LRRC4C: variants seen among roughly 807,000 people sequenced by gnomAD.
The protein encoded by LRRC4C is leucine-rich repeat-containing protein 4C.
In LRRC4C, 5 loss-of-function variants were observed where a neutral mutation model predicts 33.6. The observed-to-expected ratio is 0.15, with a 90% CI of 0.08 to 0.31. The LOEUF is 0.31. LRRC4C is among the 10% of genes least tolerant of loss of function. The pLI is 1.00. For synonymous variants in LRRC4C, 329 were observed against 302.0 expected (o/e 1.09, Z -0.93); for missense variants, 560 against 796.7 (o/e 0.70, Z 3.58).
chr11:40,760,795 A>T (rs959307275), intron 2 of LRRC4C, among the ~76,000 whole-genome samples: 4 of 132,630 alleles, frequency 3.0e-5, no homozygotes, highest in African/African-American at 1.2e-4. Flanking sequence ...GTGTATATAT[A>T]TATATACACA....
intron 1 of LRRC4C, among the ~76,000 whole-genome samples, chr11:41,444,756 G>C (rs928881108): frequency 1.3e-5 from 2 of 151,880 alleles, no homozygotes; most frequent in Non-Finnish European, 2.9e-5. Context: ...GAAAAGTGGA[G>C]AGAAAATAAG....
chr11:40,627,571 G>A (rs1345722916), intron 3 of LRRC4C, among the ~76,000 whole-genome samples: 1 of 152,128 alleles, frequency 6.6e-6, no homozygotes, highest in African/African-American at 2.4e-5. Context: ...AGCTACATTT[G>A]CCTGGACAGG....
intron 2 of LRRC4C, among the ~76,000 whole-genome samples, chr11:40,846,483 G>T (rs1427929023): frequency 2.0e-5 from 3 of 152,124 alleles, no homozygotes; most frequent in Admixed American, 1.3e-4. Context: ...GGATCAGATG[G>T]TTGTAAATGT....
In LRRC4C at chr11:40,265,633, T is replaced by C. The variant is rs1015201171; in HGVS notation, c.-175-24035A>G. Among the ~76,000 whole-genome samples the C allele has an allele frequency of 2.0e-5, 3 of 152,200 alleles. No individual in the cohort carries two copies. The East Asian group carries it at 5.8e-4, about 29-fold the overall frequency. ...AAAACTTAACTCCTAACAGCACTAA[T>C]GGTGCCATTTGGCACTAATGCATTG... is the stretch of plus-strand genomic sequence containing the variant. On this transcript the variant is annotated intron_variant, in intron 4 of 6. Transcript: ENST00000528697.
At chr11:40,801,519 C>A (rs1323831592) in intron 2 of LRRC4C, among the ~76,000 whole-genome samples, 1 of 152,148 alleles carries the variant, frequency 6.6e-6, no homozygotes, top group Non-Finnish European at 1.5e-5. Context: ...ATGGACTGCA[C>A]CTATTTTGTT....
chr11:40,142,076 A>T (rs1440022639), intron 5 of LRRC4C, among the ~76,000 whole-genome samples: 1 of 152,040 alleles, frequency 6.6e-6, no homozygotes, highest in Admixed American at 6.6e-5. Context: ...TGATGTCAGG[A>T]GTTCAAGACC....
chr11:40,551,638 A>G (rs1387845701), intron 3 of LRRC4C, among the ~76,000 whole-genome samples: 1 of 152,092 alleles, frequency 6.6e-6, no homozygotes, highest in African/African-American at 2.4e-5. Flanking sequence ...CCTTTTCCAT[A>G]TGGCTTCTCA....
intron 2 of LRRC4C, among the ~76,000 whole-genome samples, chr11:40,697,679 T>C (rs1446919405): frequency 6.6e-6 from 1 of 152,142 alleles, no homozygotes; most frequent in Non-Finnish European, 1.5e-5. Context: ...AGAACACAGT[T>C]TTAACAATGA....
chr11:40,550,392 C>G (rs74700676), intron 3 of LRRC4C, among the ~76,000 whole-genome samples: 8,731 of 152,140 alleles, frequency 0.057, 758 homozygotes, highest in African/African-American at 0.18. Context: ...TCTGATGTAA[C>G]TAAAGATCAT....
intron 3 of LRRC4C, among the ~76,000 whole-genome samples, chr11:40,450,721 C>A (rs1951844127): frequency 6.6e-6 from 1 of 151,158 alleles, no homozygotes; most frequent in Non-Finnish European, 1.5e-5. Context: ...TGGAATCACT[C>A]CCTGTGACAT....
chr11:40,943,260 G>C (rs1958239909), intron 1 of LRRC4C, among the ~76,000 whole-genome samples: 1 of 152,120 alleles, frequency 6.6e-6, no homozygotes, highest in Admixed American at 6.6e-5. Flanking sequence ...ATCTCTGCAG[G>C]CAGGTTATTT....
chr11:40,834,637 T>C (rs1398630865), intron 2 of LRRC4C, among the ~76,000 whole-genome samples: 2 of 152,070 alleles, frequency 1.3e-5, no homozygotes, highest in African/African-American at 4.8e-5. Context: ...CATGTAAATG[T>C]CTTTCATCCC....
At chr11:41,370,841 C>T (rs1952720387) in intron 1 of LRRC4C, among the ~76,000 whole-genome samples, 1 of 152,070 alleles carries the variant, frequency 6.6e-6, no homozygotes, top group South Asian at 2.1e-4. Context: ...ACGCTTGGCC[C>T]ACGTTATTTA....
chr11:40,835,391 ATATT>A (rs1229297862), intron 2 of LRRC4C, among the ~76,000 whole-genome samples: 1 of 152,182 alleles, frequency 6.6e-6, no homozygotes, highest in Non-Finnish European at 1.5e-5. Context: ...CTGTACTTAC[ATATT>A]TAGAGACTGA....
At chr11:40,726,494 A>T (rs1382955631) in intron 2 of LRRC4C, among the ~76,000 whole-genome samples, 1 of 152,134 alleles carries the variant, frequency 6.6e-6, no homozygotes, top group Non-Finnish European at 1.5e-5. Context: ...AGATTGGTTC[A>T]ACATAGAAAA....
chr11:41,351,845 C>CTTAGTG (rs1951995427), intron 1 of LRRC4C, among the ~76,000 whole-genome samples: 1 of 152,164 alleles, frequency 6.6e-6, no homozygotes, highest in East Asian at 1.9e-4. Context: ...TTGTTACCAT[C>CTTAGTG]AGACCTGCCA....
intron 4 of LRRC4C, among the ~76,000 whole-genome samples, chr11:40,247,406 G>C (rs2136146751): frequency 6.6e-6 from 1 of 152,078 alleles, no homozygotes; most frequent in East Asian, 1.9e-4. Flanking sequence ...AAACCCCCAT[G>C]TTTTCAGATC....
At chr11:40,198,571 C>A (rs1862453847) in intron 5 of LRRC4C, among the ~76,000 whole-genome samples, 1 of 152,082 alleles carries the variant, frequency 6.6e-6, no homozygotes, top group African/African-American at 2.4e-5. Flanking sequence ...CCAGAAAGTC[C>A]ATTTTGAAGC....
At chr11:41,178,711 G>GT (rs1230746699) in intron 1 of LRRC4C, among the ~76,000 whole-genome samples, 3 of 152,068 alleles carry the variant, frequency 2.0e-5, no homozygotes, top group Non-Finnish European at 4.4e-5. Flanking sequence ...CTGTTTGTTT[G>GT]TTTGTTTTTT....
Sources: allele counts gnomAD v4.1 joint callset (sites outside exome capture counted in the v4.1 genomes callset), GRCh38; gene constraint gnomAD v4.1.1; transcripts MANE v1.5; gene names NCBI Gene and HGNC (gene_info 2026-07-23, HGNC 2026-07-21).